Variants in STAC2 observed in about 807,000 individuals in gnomAD.
The protein encoded by STAC2 is SH3 and cysteine rich domain 2, also known as SH3 and cysteine-rich domain-containing protein 2.
In STAC2, 36 loss-of-function variants were observed where a neutral mutation model predicts 49.0. That is an observed-to-expected ratio of 0.74 (90% CI 0.56 to 0.97). The LOEUF (loss-of-function observed/expected upper bound fraction) is 0.97, where lower values mean the gene tolerates loss of function less well. Among genes scored for constraint, STAC2 ranks in the 50% least tolerant of loss-of-function variants. STAC2 has a pLI of 0.00. For missense variants in STAC2, 527 were observed against 543.8 expected (o/e 0.97, Z 0.31); for synonymous variants, 239 against 214.7 (o/e 1.11, Z -0.99).
Position 39,212,966 on chromosome 17 carries a change from AGGGCCTGGGCT to A in STAC2, c.1131+18_1131+28del. 1.2e-6 allele frequency: 2 copies of A among 1,610,432 alleles called. No individual in the cohort carries two copies. Among genetic ancestry groups the A allele is most frequent in the African/African-American group, 2.7e-5 (2 of 75,010 alleles). On this transcript the variant is annotated intron_variant, in intron 10 of 10. Transcript: ENST00000333461. ...CCCGCCCACTCCCTCCCTCCGCCAT[AGGGCCTGGGCT>A]GGGCCTCAGGCACTCACCTGGTTCT...
chr17:39,218,247 C>T, intron 1 of STAC2, 74 bp from the exon 2 acceptor site: 2 of 1,530,984 alleles, frequency 1.3e-6, no homozygotes, highest in South Asian at 2.3e-5. Context: ...TTCAGGGTGT[C>T]TCTGGCGGTA....
Position 39,225,921 on chromosome 17 carries a change from G to A in STAC2, c.-419C>T, listed in dbSNP as rs2046510687. 4.0e-5 allele frequency: 9 copies of A among 223,330 alleles called. No individual in the cohort carries two copies. The highest frequency in any genetic ancestry group is 3.7e-4 in the South Asian group (7 of 18,776). The allele number at this position is 223,330 out of a possible 1,614,324, so 13.8% of individuals were successfully genotyped here. On this transcript the variant is annotated 5_prime_UTR_variant, in exon 1 of 11. Transcript: ENST00000333461. This position sits in a 1 kb window ranked among gnomAD's most constrained non-coding sequence, Gnocchi z 8.2. ...CAGCCCGGCACCCGGCGGCCCCTCC[G>A]CCCAGTCCTCGCCGCCCAACTTTGA...
chr17:39,216,918 A>G lies in STAC2; in HGVS notation c.496-18T>C. The G allele has an allele frequency of 1.3e-6, 2 of 1,592,420 alleles. No individual in the cohort carries two copies. Among genetic ancestry groups the G allele is most frequent in the South Asian group, 1.1e-5 (1 of 88,268 alleles). The stretch of plus-strand genomic sequence containing the variant: ...GAGGTGGACTATGGCAAGAGAGGGC[A>G]GAGAGGTTTTGAGGAGGTCATGGCC... On this transcript the variant is annotated intron_variant, in intron 3 of 10. Coordinates refer to ENST00000333461, the MANE Select transcript of STAC2 (RefSeq NM_198993.5).
chr17:39,221,442 T>A (rs1157966800), intron 1 of STAC2, among the ~76,000 whole-genome samples: 1 of 152,184 alleles, frequency 6.6e-6, no homozygotes, highest in Non-Finnish European at 1.5e-5. Flanking sequence ...TAGGTCCAAA[T>A]ATCCCCAGAA....
chr17:39,217,220 C>G (rs752473431), intron 2 of STAC2, 47 bp from the exon 3 acceptor site: 1 of 1,585,684 alleles, frequency 6.3e-7, no homozygotes, highest in Non-Finnish European at 8.6e-7. Flanking sequence ...CCGTGGGCAA[C>G]AGGCAAAGGA....
At chr17:39,213,477 G>A in intron 9 of STAC2, 30 bp downstream of exon 9, 10 of 1,613,000 alleles carry the variant, frequency 6.2e-6, no homozygotes, top group Non-Finnish European at 7.6e-6. Context: ...GCCTACCAGT[G>A]TCCCTCCACT....
intron 8 of STAC2, 92 bp from the exon 9 acceptor site, chr17:39,213,650 T>G: frequency 2.5e-5 from 24 of 977,396 alleles, no homozygotes; most frequent in Non-Finnish European, 3.3e-5. Context: ...GACACTGCAG[T>G]CCTCAGCTGG....
At chr17:39,218,259 G>GGGC (rs1301975594) in intron 1 of STAC2, 86 bp from the exon 2 acceptor site, 25 of 1,432,602 alleles carry the variant, frequency 1.7e-5, no homozygotes, top group South Asian at 8.1e-5. Context: ...CTGGCGGTAG[G>GGGC]GGCGGCAGCA....
chr17:39,224,105 G>A (rs983875925), intron 1 of STAC2, among the ~76,000 whole-genome samples: 3 of 152,114 alleles, frequency 2.0e-5, no homozygotes, highest in East Asian at 1.9e-4. Flanking sequence ...CTGACCCTAC[G>A]GCCTCCTCCT....
At position 39,218,067 on chromosome 17, in the gene STAC2, A is replaced by T. The variant is rs755710583; in HGVS notation, c.197T>A (p.Val66Glu). Residue 66 changes from valine (V) to glutamate (E), a missense_variant, in exon 2 of 11, where the codon GTG becomes GAG. Coordinates refer to ENST00000333461, the MANE Select transcript of STAC2 (RefSeq NM_198993.5). The stretch of plus-strand genomic sequence containing the variant: ...CAGTGGGGTTGGGGGCGTCAGCAGC[A>T]CCTCGGTGGGGCACTTGAGCTCAGA... ...SGSELKCPTE[V>E]LLTPPTPLPP... 50 of 1,611,626 alleles carry T rather than the reference A, an allele frequency of 3.1e-5. No individual in the cohort carries two copies. The highest frequency in any genetic ancestry group is 4.2e-5 in the Non-Finnish European group (49 of 1,179,868).
rs1567829083 is a variant in STAC2 at position 39,215,101 on chromosome 17, C to G, written c.699+17G>C. 2 of 1,614,102 alleles carry G rather than the reference C, an allele frequency of 1.2e-6. No homozygotes were observed. Among genetic ancestry groups the G allele is most frequent in the Non-Finnish European group, 1.7e-6 (2 of 1,180,018 alleles). ...GACACCCCTCCCCAAAAGACCCCCC[C>G]TTTTTGCCCACCATACCAGGCTCCT... On this transcript the variant is annotated intron_variant, in intron 5 of 10. Transcript: ENST00000333461.
At position 39,211,163 on chromosome 17, in the gene STAC2, G is replaced by C. The variant is rs920130921; in HGVS notation, c.*1129C>G. Reference sequence around the variant, plus strand: ...ACAGTCACAGGCTCCCCTGGCGGGTGGTTCCTGTGTGACCGGGGGTCCTGA... The same window carrying C: ...ACAGTCACAGGCTCCCCTGGCGGGTCGTTCCTGTGTGACCGGGGGTCCTGA... On this transcript the variant is annotated 3_prime_UTR_variant, in exon 11 of 11. Transcript: ENST00000333461. 1.3e-5 allele frequency: 2 copies of C among 152,402 alleles called. No individual in the cohort carries two copies. The highest frequency in any genetic ancestry group is 2.9e-5 in the Non-Finnish European group (2 of 68,082). 9.4% of individuals were successfully genotyped at this position (152,402 alleles called of 1,614,324 possible). A position where few individuals can be genotyped will look rare whatever the true frequency, so the allele number is the denominator to read the frequency against.
intron 4 of STAC2, among the ~76,000 whole-genome samples, 192 bp from the exon 5 acceptor site, chr17:39,215,422 A>T (rs1328478345): frequency 1.3e-5 from 2 of 152,012 alleles, no homozygotes; most frequent in Non-Finnish European, 2.9e-5. Context: ...TTGACTCCTC[A>T]CTGTCCTCAC....
intron 1 of STAC2, among the ~76,000 whole-genome samples, chr17:39,223,775 A>C (rs1651638039): frequency 6.6e-6 from 1 of 152,170 alleles, no homozygotes; most frequent in African/African-American, 2.4e-5. Flanking sequence ...GTGTATGTCT[A>C]CCCAGGTGAC....
intron 10 of STAC2, among the ~76,000 whole-genome samples, chr17:39,212,627 T>G (rs866182949): frequency 6.6e-6 from 1 of 152,160 alleles, no homozygotes; most frequent in Non-Finnish European, 1.5e-5. Flanking sequence ...ACCTTGGAGA[T>G]TAGCCGCTGT....
chr17:39,213,402 G>A (rs560807591), intron 9 of STAC2, 105 bp downstream of exon 9: 2 of 1,415,686 alleles, frequency 1.4e-6, no homozygotes, highest in South Asian at 1.3e-5. Context: ...TTGGAGGAGA[G>A]GTTGTCTTTG....
At chr17:39,224,269 G>A (rs1280709548) in intron 1 of STAC2, among the ~76,000 whole-genome samples, 1 of 152,226 alleles carries the variant, frequency 6.6e-6, no homozygotes, top group Non-Finnish European at 1.5e-5. Context: ...GGTCCTCACT[G>A]TCCCCTTTCG....
intron 1 of STAC2, among the ~76,000 whole-genome samples, chr17:39,218,922 G>A (rs2144248151): frequency 6.6e-6 from 1 of 152,108 alleles, no homozygotes; most frequent in African/African-American, 2.4e-5. Flanking sequence ...TGGTCGTCCT[G>A]GACCCTCATC....
chr17:39,219,671 A>G (rs1233006434), intron 1 of STAC2, among the ~76,000 whole-genome samples: 2 of 152,202 alleles, frequency 1.3e-5, no homozygotes, highest in African/African-American at 4.8e-5. Flanking sequence ...TCTGGAGGGC[A>G]GGGTCGATTC....
Sources: gnomAD v4.1 joint callset for allele counts (sites outside exome capture counted in the v4.1 genomes callset) on GRCh38, gnomAD v4.1.1 for gene constraint, Gnocchi (gnomAD v3.1) non-coding constraint, MANE v1.5 for transcripts, NCBI Gene and HGNC (gene_info 2026-07-23, HGNC 2026-07-21) for gene names.